Variants in CTNND1 observed in about 807,000 individuals in gnomAD.
CTNND1 encodes the protein catenin delta-1.
CTNND1 carries 16 observed loss-of-function variants against 112.1 expected under a neutral mutation model. The observed-to-expected ratio is 0.14, with a 90% CI of 0.10 to 0.22. CTNND1 has a LOEUF of 0.22. CTNND1 is among the 10% of genes least tolerant of loss of function. CTNND1 has a pLI of 1.00. For missense variants in CTNND1, 1,008 were observed against 1,257.0 expected, an observed-to-expected ratio of 0.80 and a Z score of 3.00; for synonymous variants, 420 against 446.5, an observed-to-expected ratio of 0.94 and a Z score of 0.75.
chr11:57,795,845 T>C, intron 5 of CTNND1, 116 bp downstream of exon 5: 1 of 1,096,840 alleles, frequency 9.1e-7, no homozygotes, highest in Non-Finnish European at 1.3e-6. Flanking sequence ...TTGATCTGAT[T>C]GCATGAAGTG....
intron 12 of CTNND1, among the ~76,000 whole-genome samples, chr11:57,807,936 G>C (rs1010864959): frequency 6.6e-6 from 1 of 152,110 alleles, no homozygotes; most frequent in African/African-American, 2.4e-5. Context: ...GAGAGGAGTT[G>C]AGTATAATGA....
At position 57,810,096 on chromosome 11, in the gene CTNND1, CT is replaced by C; in HGVS notation, c.2436-10del. 2 of 1,595,638 alleles carry C rather than the reference CT, an allele frequency of 1.3e-6. No homozygotes were observed. Among genetic ancestry groups the C allele is most frequent in the Non-Finnish European group, 1.7e-6 (2 of 1,170,434 alleles). ...TATATCCAAATTCCGTATGGTGTTA[CT>C]TTCCTCCAAAGGAACCGCTCAGAAA... On this transcript the variant is annotated splice_polypyrimidine_tract_variant and intron_variant, in intron 15 of 20. Transcript: ENST00000399050.
chr11:57,788,924 T>C lies in CTNND1; in HGVS notation c.-213-113T>C. 1.2e-6 allele frequency: 1 copy of C among 813,840 alleles called. No homozygotes were observed. Among genetic ancestry groups the C allele is most frequent in the Non-Finnish European group, 2.0e-6 (1 of 495,066 alleles). 50.4% of individuals were successfully genotyped at this position (813,840 alleles called of 1,614,324 possible). On this transcript the variant is annotated intron_variant, in intron 1 of 20. Coordinates refer to ENST00000399050, the MANE Select transcript of CTNND1 (RefSeq NM_001085458.2). This position sits in a 1 kb window ranked among gnomAD's most constrained non-coding sequence, Gnocchi z 4.1. ...TCACATTAAGCAATTCCAAGTCATA[T>C]TTTAAATTACTTCCTTTCATTCCTA... is the stretch of plus-strand genomic sequence containing the variant.
intron 8 of CTNND1, 29 bp downstream of exon 8, chr11:57,803,833 G>C: frequency 3.5e-6 from 5 of 1,414,862 alleles, no homozygotes; most frequent in Non-Finnish European, 4.7e-6. Flanking sequence ...AGAATATGAA[G>C]ATGAATTTTT....
chr11:57,769,731 T>A (rs1449834972), intron 1 of CTNND1, among the ~76,000 whole-genome samples: 2 of 152,192 alleles, frequency 1.3e-5, no homozygotes, highest in African/African-American at 4.8e-5. Context: ...GTATTTCTGT[T>A]TCTTGTACCC....
At chr11:57,806,239 G>A (rs924040294) in intron 10 of CTNND1, among the ~76,000 whole-genome samples, 2 of 151,792 alleles carry the variant, frequency 1.3e-5, no homozygotes, top group African/African-American at 4.8e-5. Flanking sequence ...GGTGGTGGTG[G>A]TGGTGGTGGT....
At position 57,796,867 on chromosome 11, in the gene CTNND1, A is replaced by G. The variant is rs1005147083; in HGVS notation, c.831A>G (p.Pro277=). 4 of 1,611,348 alleles carry G rather than the reference A, an allele frequency of 2.5e-6. No individual in the cohort carries two copies. Among genetic ancestry groups the G allele is most frequent in the Admixed American group, 3.3e-5 (2 of 59,846 alleles). ...GCGTGGATCTGCATCGCTTTCATCCAGAGCCTTATGGGCTAGAGGATGACC... is the reference window on the plus strand; with the variant it reads ...GCGTGGATCTGCATCGCTTTCATCCGGAGCCTTATGGGCTAGAGGATGACC... ...GSSVDLHRFH[P]EPYGLEDDQR... The change falls in exon 6 of 21, where the codon CCA becomes CCG. Residue 277 remains proline (P), a synonymous_variant. Coordinates refer to ENST00000399050, the MANE Select transcript of CTNND1 (RefSeq NM_001085458.2).
At chr11:57,800,115 C>G (rs1374420810) in intron 6 of CTNND1, among the ~76,000 whole-genome samples, 2 of 146,930 alleles carry the variant, frequency 1.4e-5, no homozygotes, top group Non-Finnish European at 3.0e-5. Context: ...TTAGTAAATA[C>G]TTTTCCTTAA....
chr11:57,805,716 C>T (rs749276953), intron 9 of CTNND1, among the ~76,000 whole-genome samples, 166 bp from the exon 10 acceptor site: 17 of 152,230 alleles, frequency 1.1e-4, no homozygotes, highest in African/African-American at 1.2e-4. Context: ...CTGAGGCTAC[C>T]GGGATTTCAA....
chr11:57,797,720 T>C (rs1423585203), intron 6 of CTNND1, among the ~76,000 whole-genome samples: 2 of 149,598 alleles, frequency 1.3e-5, no homozygotes, highest in Non-Finnish European at 3.0e-5. Flanking sequence ...TGCATGCCTG[T>C]AATCTCAGCT....
At chr11:57,806,251 G>A (rs1391905760) in intron 10 of CTNND1, among the ~76,000 whole-genome samples, 1 of 151,906 alleles carries the variant, frequency 6.6e-6, no homozygotes, top group Non-Finnish European at 1.5e-5. Context: ...GGTGGTGGTG[G>A]TGGTGGTATC....
chr11:57,762,778 C>T (rs1264282062), intron 1 of CTNND1, among the ~76,000 whole-genome samples: 1 of 152,184 alleles, frequency 6.6e-6, no homozygotes, highest in East Asian at 1.9e-4. Context: ...CTTCTTCCTT[C>T]TAAACTACCT....
At chr11:57,797,127 A>G (rs1472763534) in intron 6 of CTNND1, 135 bp downstream of exon 6, 2 of 598,648 alleles carry the variant, frequency 3.3e-6, no homozygotes, top group East Asian at 3.2e-5. Flanking sequence ...TTTTGGGGTG[A>G]AAAGCTACCC....
At position 57,802,037 on chromosome 11, in the gene CTNND1, A is replaced by C; in HGVS notation, c.1261A>C (p.Lys421Gln). The change falls in exon 7 of 21, where the codon AAA (lysine) becomes CAA (glutamine). Residue 421 changes from lysine (K) to glutamine (Q), a missense_variant. Around this residue, in one of 5 missense-constraint regions of CTNND1, gnomAD observed 216 missense variants for 342.8 expected, o/e 0.63. Coordinates refer to ENST00000399050, the MANE Select transcript of CTNND1 (RefSeq NM_001085458.2). ...PVLVGLLDHP[K>Q]KEVHLGACGA... ...ACTGGTGGGATTGTTAGACCATCCC[A>C]AAAAGGAAGTGCACCTTGGAGCCTG... is the stretch of plus-strand genomic sequence containing the variant. The C allele has an allele frequency of 6.2e-7, 1 of 1,614,038 alleles. No individual in the cohort carries two copies. The highest frequency in any genetic ancestry group is 8.5e-7 in the Non-Finnish European group (1 of 1,179,900).
Position 57,818,772 on chromosome 11 carries a change from C to G in CTNND1, c.*2464C>G, listed in dbSNP as rs1414873534. 6.6e-6 allele frequency: 1 copy of G among 152,156 alleles called. No homozygotes were observed. Among genetic ancestry groups the G allele is most frequent in the Non-Finnish European group, 1.5e-5 (1 of 68,038 alleles). 9.4% of individuals were successfully genotyped at this position (152,156 alleles called of 1,614,324 possible). A position where few individuals can be genotyped will look rare whatever the true frequency, so the allele number is the denominator to read the frequency against. ...ACTGGAATTCTTCTGCAACATTTGA[C>G]AAAACTAACCTTGAATAAGGCCCAC... On this transcript the variant is annotated 3_prime_UTR_variant, in exon 21 of 21. Transcript: ENST00000399050.
At chr11:57,812,805 C>G (rs1029697996) in intron 17 of CTNND1, among the ~76,000 whole-genome samples, 2 of 152,136 alleles carry the variant, frequency 1.3e-5, no homozygotes, top group Non-Finnish European at 2.9e-5. Flanking sequence ...CTCAGCCACA[C>G]TAGCCACTTT....
At position 57,806,898 on chromosome 11, in the gene CTNND1, CT is replaced by C. The variant is rs763769253; in HGVS notation, c.1895-12del. 17 of 1,580,586 alleles carry C rather than the reference CT, an allele frequency of 1.1e-5. No individual in the cohort carries two copies. The highest frequency in any genetic ancestry group is 8.6e-7 in the Non-Finnish European group (1 of 1,162,120). ...AAACTGGCTTACCCCTTTTCCCGCC[CT>C]TTTTCATTTTTGTAGGGAAAAAACC... On this transcript the variant is annotated splice_polypyrimidine_tract_variant and intron_variant, in intron 11 of 20. Transcript: ENST00000399050.
At chr11:57,799,767 G>A (rs1448109251) in intron 6 of CTNND1, among the ~76,000 whole-genome samples, 1 of 152,004 alleles carries the variant, frequency 6.6e-6, no homozygotes, top group Non-Finnish European at 1.5e-5. Context: ...TAATAATAGA[G>A]GTTAAACATG....
intron 1 of CTNND1, among the ~76,000 whole-genome samples, chr11:57,762,719 G>A (rs2135793010): frequency 6.6e-6 from 1 of 152,106 alleles, no homozygotes; most frequent in East Asian, 1.9e-4. Flanking sequence ...TCCCTTCTTT[G>A]GCTTATAAAA....
Sources: gnomAD v4.1 joint callset for allele counts (sites outside exome capture counted in the v4.1 genomes callset) on GRCh38, gnomAD v4.1.1 for gene constraint, gnomAD v4.1.1 regional missense constraint, Gnocchi (gnomAD v3.1) non-coding constraint, MANE v1.5 for transcripts, NCBI Gene and HGNC (gene_info 2026-07-23, HGNC 2026-07-21) for gene names.